The following SLCO6A1 variants were observed in gnomAD, a reference collection of about 807,000 sequenced individuals.
SLCO6A1 encodes the protein solute carrier organic anion transporter family member 6A1, also known as cancer/testis antigen 48.
In SLCO6A1, 65 loss-of-function variants were observed where a neutral mutation model predicts 72.7. The ratio of observed to expected loss-of-function variants is 0.89; its 90% CI spans 0.73 to 1.10. The LOEUF (loss-of-function observed/expected upper bound fraction) is 1.10. Ranked by LOEUF, SLCO6A1 falls within the 50% of genes least tolerant of loss-of-function variation. The pLI, the probability that SLCO6A1 is intolerant of heterozygous loss-of-function variation, is 0.00. For missense variants in SLCO6A1, 874 were observed against 872.6 expected, an observed-to-expected ratio of 1.00 and a Z score of -0.02; for synonymous variants, 314 against 298.2, an observed-to-expected ratio of 1.05 and a Z score of -0.55.
intron 12 of SLCO6A1, among the ~76,000 whole-genome samples, chr5:102,383,095 A>ATAT (rs1554064835): frequency 1.6e-4 from 21 of 128,548 alleles, no homozygotes; most frequent in African/African-American, 2.4e-4. Context: ...TATGTGTGTG[A>ATAT]ATATATATAT....
chr5:102,496,396 T>C (rs1752911468), intron 1 of SLCO6A1, among the ~76,000 whole-genome samples: 1 of 152,206 alleles, frequency 6.6e-6, no homozygotes. Flanking sequence ...AGATACCATT[T>C]TTATGAATGG....
chr5:102,458,824 T>G (rs548240065), intron 5 of SLCO6A1, among the ~76,000 whole-genome samples: 3 of 152,276 alleles, frequency 2.0e-5, no homozygotes, highest in African/African-American at 7.2e-5. Context: ...CCACACTTGA[T>G]TTGCCCTAAA....
At chr5:102,377,797 G>A (rs967485302) in intron 12 of SLCO6A1, among the ~76,000 whole-genome samples, 2 of 151,572 alleles carry the variant, frequency 1.3e-5, no homozygotes, top group African/African-American at 2.4e-5. Context: ...TCAGCTTCCC[G>A]AGTATCTGGG....
At chr5:102,426,787 T>C (rs1405910391) in intron 7 of SLCO6A1, among the ~76,000 whole-genome samples, 1 of 152,248 alleles carries the variant, frequency 6.6e-6, no homozygotes, top group East Asian at 1.9e-4. Context: ...CAAAGGATTA[T>C]AAATAATTCT....
At chr5:102,441,020 C>A (rs1031975355) in intron 6 of SLCO6A1, among the ~76,000 whole-genome samples, 2 of 152,082 alleles carry the variant, frequency 1.3e-5, no homozygotes, top group African/African-American at 4.8e-5. Flanking sequence ...CTTGTGTATT[C>A]TAAACATTAA....
At position 102,419,871 on chromosome 5, in the gene SLCO6A1, C is replaced by A. The variant is rs201827417; in HGVS notation, c.1427G>T (p.Arg476Leu). 2.5e-6 allele frequency: 4 copies of A among 1,607,288 alleles called. No homozygotes were observed. Among genetic ancestry groups the A allele is most frequent in the Admixed American group, 3.4e-5 (2 of 58,288 alleles). Residue 476 changes from arginine (R) to leucine (L), a missense_variant, in exon 8 of 14, where the codon CGC (arginine) becomes CTC (leucine). Transcript: ENST00000506729. ...CCCAGCAAATTGCACTGGATTACAGCGTACAAAAATAATAAACACAAGCAG... is the reference window on the plus strand; with the variant it reads ...CCCAGCAAATTGCACTGGATTACAGAGTACAAAAATAATAAACACAAGCAG... ...LILLVFIIFV[R>L]CNPVQFAGIN...
intron 5 of SLCO6A1, among the ~76,000 whole-genome samples, chr5:102,458,869 AT>A (rs1750878356): frequency 6.6e-6 from 1 of 152,104 alleles, no homozygotes; most frequent in African/African-American, 2.4e-5. Context: ...AACTAAAACT[AT>A]TTTGTGCCAA....
At chr5:102,448,539 G>A (rs1750241109) in intron 6 of SLCO6A1, among the ~76,000 whole-genome samples, 1 of 152,132 alleles carries the variant, frequency 6.6e-6, no homozygotes, top group South Asian at 2.1e-4. Flanking sequence ...CTTGTTTTAT[G>A]AGTCTGGGCA....
intron 8 of SLCO6A1, among the ~76,000 whole-genome samples, chr5:102,413,974 A>G (rs1748132303): frequency 6.6e-6 from 1 of 152,040 alleles, no homozygotes. Flanking sequence ...ATATTCTGGA[A>G]GTAATTTTTT....
chr5:102,426,696 C>T (rs558603431), intron 7 of SLCO6A1, among the ~76,000 whole-genome samples: 10 of 152,132 alleles, frequency 6.6e-5, no homozygotes, highest in South Asian at 2.1e-4. Context: ...TCAATCATTG[C>T]GGAAAACAGT....
chr5:102,455,060 T>G (rs1053671819), intron 6 of SLCO6A1, among the ~76,000 whole-genome samples: 1 of 140,824 alleles, frequency 7.1e-6, no homozygotes, highest in African/African-American at 2.9e-5. Flanking sequence ...TATGAAAACA[T>G]TAAGGAGGGA....
intron 10 of SLCO6A1, among the ~76,000 whole-genome samples, chr5:102,395,611 G>A (rs1286764526): frequency 3.3e-5 from 5 of 152,078 alleles, no homozygotes; most frequent in South Asian, 4.2e-4. Flanking sequence ...CTAAGGAATC[G>A]CCACACTGAC....
intron 7 of SLCO6A1, among the ~76,000 whole-genome samples, chr5:102,431,435 A>G (rs1022050797): frequency 5.3e-5 from 8 of 152,142 alleles, no homozygotes; most frequent in Non-Finnish European, 8.8e-5. Flanking sequence ...GCTATATCCC[A>G]GAGATTCTGG....
chr5:102,452,438 G>C (rs1750467724), intron 6 of SLCO6A1, among the ~76,000 whole-genome samples: 1 of 151,776 alleles, frequency 6.6e-6, no homozygotes, highest in Non-Finnish European at 1.5e-5. Context: ...CTTATCCTCT[G>C]TTCTACCTTC....
chr5:102,414,941 T>G, intron 8 of SLCO6A1, among the ~76,000 whole-genome samples: 1 of 149,438 alleles, frequency 6.7e-6, no homozygotes. Context: ...ATAAATAAAT[T>G]AATTAATAAG....
chr5:102,385,845 T>A (rs1259210462), intron 12 of SLCO6A1, among the ~76,000 whole-genome samples: 3 of 116,940 alleles, frequency 2.6e-5, no homozygotes, highest in East Asian at 2.3e-4. Flanking sequence ...TTTTTTTTTT[T>A]AATTGAGATG....
intron 4 of SLCO6A1, among the ~76,000 whole-genome samples, chr5:102,468,676 G>T (rs912557120): frequency 2.0e-5 from 3 of 151,926 alleles, no homozygotes; most frequent in Non-Finnish European, 4.4e-5. Flanking sequence ...GTTACCATTT[G>T]CATGGAATAT....
Position 102,493,663 on chromosome 5 carries a change from C to T in SLCO6A1, c.358+4824G>A, listed in dbSNP as rs565772669. Among the ~76,000 whole-genome samples, 7 of 152,038 alleles carry T rather than the reference C, an allele frequency of 4.6e-5. No homozygotes were observed. The South Asian group carries it at 6.2e-4, about 14-fold the overall frequency. The stretch of plus-strand genomic sequence containing the variant: ...TAGCCAGTGGAATAAAGTGACAAAC[C>T]GTAACAAAAAGCATCCAGATTGGGA... On this transcript the variant is annotated intron_variant, in intron 1 of 13. Coordinates refer to ENST00000506729, the MANE Select transcript of SLCO6A1 (RefSeq NM_173488.5).
At chr5:102,466,179 C>T (rs146917504) in intron 4 of SLCO6A1, among the ~76,000 whole-genome samples, 5 of 152,190 alleles carry the variant, frequency 3.3e-5, no homozygotes, top group African/African-American at 1.2e-4. Flanking sequence ...TTCCTCCCCC[C>T]ACCCTCTGCC....
Sources: gnomAD v4.1 joint callset for allele counts (sites outside exome capture counted in the v4.1 genomes callset) on GRCh38, gnomAD v4.1.1 for gene constraint, MANE v1.5 for transcripts, NCBI Gene and HGNC (gene_info 2026-07-23, HGNC 2026-07-21) for gene names.